The following LIMA1 variants were observed in gnomAD, a reference collection of about 807,000 sequenced individuals.
LIMA1 encodes LIM domain and actin-binding protein 1.
A neutral mutation model predicts 62.6 loss-of-function variants in LIMA1; 52 were observed. That is an observed-to-expected ratio of 0.83 (90% confidence interval 0.67 to 1.05). The LOEUF (loss-of-function observed/expected upper bound fraction) is 1.05. LIMA1 is among the 50% of genes least tolerant of loss of function. The pLI is 0.00. For synonymous variants in LIMA1, 302 were observed against 317.8 expected (o/e 0.95, Z 0.53); for missense variants, 780 against 902.2 (o/e 0.86, Z 1.74).
At chr12:50,183,027 C>A (rs1300347363) in intron 9 of LIMA1, among the ~76,000 whole-genome samples, 1 of 152,000 alleles carries the variant, frequency 6.6e-6, no homozygotes, top group South Asian at 2.1e-4. Flanking sequence ...CATGGTGAAA[C>A]CCCGTCTCCA....
chr12:50,280,101 T>C (rs555787581), intron 1 of LIMA1, among the ~76,000 whole-genome samples: 1 of 151,886 alleles, frequency 6.6e-6, no homozygotes, highest in Non-Finnish European at 1.5e-5. Context: ...GTTGCATCTT[T>C]TTTTCCCCTA....
chr12:50,253,609 T>C (rs1184966638), intron 1 of LIMA1, among the ~76,000 whole-genome samples: 1 of 152,172 alleles, frequency 6.6e-6, no homozygotes, highest in Non-Finnish European at 1.5e-5. Flanking sequence ...GTGGTGAGTA[T>C]CTTCCCAGAG....
intron 1 of LIMA1, among the ~76,000 whole-genome samples, chr12:50,265,127 T>G (rs558701346): frequency 1.7e-4 from 26 of 150,196 alleles, no homozygotes; most frequent in African/African-American, 5.9e-4. Flanking sequence ...CATTCCAGCC[T>G]GGGCAACAGA....
intron 2 of LIMA1, among the ~76,000 whole-genome samples, chr12:50,238,046 G>T (rs1941721115): frequency 6.6e-6 from 1 of 152,044 alleles, no homozygotes; most frequent in African/African-American, 2.4e-5. Context: ...TTTATTTTTT[G>T]TCGTTTTTCT....
chr12:50,180,908 C>A (rs1352140722), intron 10 of LIMA1, among the ~76,000 whole-genome samples: 1 of 151,800 alleles, frequency 6.6e-6, no homozygotes, highest in Non-Finnish European at 1.5e-5. Flanking sequence ...GTCAGGAGAT[C>A]AAGACCATCC....
intron 1 of LIMA1, among the ~76,000 whole-genome samples, chr12:50,263,949 C>G (rs7956468): frequency 0.37 from 54,451 of 147,968 alleles, 10,756 homozygotes; most frequent in South Asian, 0.49. Flanking sequence ...CATGTCCACA[C>G]AGAACTTGTA....
intron 3 of LIMA1, chr12:50,230,027 C>G (rs1308518037): frequency 6.6e-6 from 1 of 152,452 alleles, no homozygotes; most frequent in African/African-American, 2.4e-5. Flanking sequence ...GACACAATTT[C>G]TTTTTTAAAT....
chr12:50,204,515 G>GGAAT (rs762474052), intron 6 of LIMA1, 37 bp downstream of exon 6: 43 of 1,590,754 alleles, frequency 2.7e-5, no homozygotes, highest in East Asian at 1.6e-4. Context: ...GCTGGATGAT[G>GGAAT]GAATGAATGA....
intron 8 of LIMA1, among the ~76,000 whole-genome samples, chr12:50,193,412 G>C (rs1462442070): frequency 6.7e-6 from 1 of 148,678 alleles, no homozygotes; most frequent in South Asian, 2.1e-4. Flanking sequence ...ACTAGCCTGG[G>C]GAGATGCTAG....
At chr12:50,205,893 T>A in intron 5 of LIMA1, 91 bp downstream of exon 5, 1 of 824,704 alleles carries the variant, frequency 1.2e-6, no homozygotes, top group Non-Finnish European at 1.9e-6. Flanking sequence ...GTGCCACTCT[T>A]CCTTTAAAAG....
intron 4 of LIMA1, among the ~76,000 whole-genome samples, chr12:50,209,763 T>G (rs909231503): frequency 1.3e-5 from 2 of 151,936 alleles, no homozygotes; most frequent in African/African-American, 2.4e-5. Flanking sequence ...CCTCCTAAGC[T>G]CACACAATTC....
chr12:50,208,070 AG>A (rs1941186015), intron 4 of LIMA1, among the ~76,000 whole-genome samples: 2 of 152,138 alleles, frequency 1.3e-5, no homozygotes, highest in South Asian at 4.1e-4. Context: ...TCCCAAGGCT[AG>A]GCACAGTGGC....
Position 50,195,844 on chromosome 12 carries a change from G to A in LIMA1, c.1016C>T (p.Ala339Val). 6.3e-7 allele frequency: 1 copy of A among 1,595,432 alleles called. No homozygotes were observed. The highest frequency in any genetic ancestry group is 8.5e-7 in the Non-Finnish European group (1 of 1,174,836). The change falls in exon 8 of 11, where the codon GCC (alanine) becomes GTC (valine). Residue 339 changes from alanine (A) to valine (V), a missense_variant. Coordinates refer to ENST00000341247, the MANE Select transcript of LIMA1 (RefSeq NM_016357.5). ...AGAATGCTTACGGGAGTCATCTTCG[G>A]CAGGGGTGGAACGGACTGCCAGGCT... The part of the protein sequence containing the change: ...ENSLAVRSTP[A>V]EDDSRDSQVK...
intron 10 of LIMA1, among the ~76,000 whole-genome samples, chr12:50,179,738 T>C (rs938405491): frequency 2.7e-5 from 4 of 146,794 alleles, no homozygotes; most frequent in Admixed American, 1.4e-4. Flanking sequence ...CACCCAGCCA[T>C]TTTTTGTTGT....
chr12:50,243,341 C>T (rs1941803831), intron 2 of LIMA1, among the ~76,000 whole-genome samples: 1 of 152,180 alleles, frequency 6.6e-6, no homozygotes, highest in Non-Finnish European at 1.5e-5. Context: ...CTGTTTTTAG[C>T]TAGGCTTGTA....
At chr12:50,212,223 C>T (rs1190572458) in intron 4 of LIMA1, among the ~76,000 whole-genome samples, 1 of 152,156 alleles carries the variant, frequency 6.6e-6, no homozygotes, top group East Asian at 1.9e-4. Context: ...AAAAAATTAT[C>T]TTTAAAAGCT....
chr12:50,267,294 A>G (rs1942150953), intron 1 of LIMA1, among the ~76,000 whole-genome samples: 1 of 152,022 alleles, frequency 6.6e-6, no homozygotes, highest in Admixed American at 6.6e-5. Context: ...GATGGTCTCG[A>G]TCTGCTGACC....
At chr12:50,250,263 C>T (rs1441521849) in intron 1 of LIMA1, among the ~76,000 whole-genome samples, 3 of 143,750 alleles carry the variant, frequency 2.1e-5, no homozygotes, top group Non-Finnish European at 4.5e-5. Flanking sequence ...GCACTCCAGC[C>T]CAGGCAACAA....
intron 7 of LIMA1, among the ~76,000 whole-genome samples, chr12:50,199,805 C>T (rs1250612179): frequency 2.6e-5 from 4 of 152,182 alleles, no homozygotes; most frequent in South Asian, 4.1e-4. Context: ...TGAAGATAAT[C>T]TCTAATCAAA....
Sources: gnomAD v4.1 joint callset for allele counts (sites outside exome capture counted in the v4.1 genomes callset) on GRCh38, gnomAD v4.1.1 for gene constraint, MANE v1.5 for transcripts, NCBI Gene and HGNC (gene_info 2026-07-23, HGNC 2026-07-21) for gene names.